SHANK2: variants seen among roughly 807,000 people sequenced by gnomAD.
The protein encoded by SHANK2 is SH3 and multiple ankyrin repeat domains 2, also known as SH3 and multiple ankyrin repeat domains protein 2.
Under a neutral mutation model 133.7 loss-of-function variants are expected in SHANK2, and 43 were observed. That is an observed-to-expected ratio of 0.32 (90% confidence interval 0.25 to 0.41). SHANK2 has a LOEUF of 0.41. Among genes scored for constraint, SHANK2 ranks in the 10% least tolerant of loss-of-function variants. The pLI is 1.00. For missense variants in SHANK2, 1,994 were observed against 2,235.8 expected (o/e 0.89, Z 2.18); for synonymous variants, 1,017 against 952.8 (o/e 1.07, Z -1.24).
intron 17 of SHANK2, among the ~76,000 whole-genome samples, chr11:70,550,994 G>C (rs782568408): frequency 5.3e-5 from 8 of 152,228 alleles, no homozygotes; most frequent in Non-Finnish European, 1.0e-4. Context: ...AAGGTCCAGG[G>C]ACACTGAGAA....
At chr11:71,223,269 C>T (rs782718911) in intron 2 of SHANK2, among the ~76,000 whole-genome samples, 1 of 152,198 alleles carries the variant, frequency 6.6e-6, no homozygotes, top group Non-Finnish European at 1.5e-5. Context: ...CTGCCTGCCG[C>T]GTTTAGGACC....
At chr11:71,176,814 A>G (rs1953456751) in intron 2 of SHANK2, among the ~76,000 whole-genome samples, 1 of 152,192 alleles carries the variant, frequency 6.6e-6, no homozygotes, top group African/African-American at 2.4e-5. Context: ...ATTTTTGGCC[A>G]AAAGTTATTC....
chr11:70,641,300 A>C (rs1472477427), intron 17 of SHANK2, among the ~76,000 whole-genome samples: 1 of 152,216 alleles, frequency 6.6e-6, no homozygotes, highest in East Asian at 1.9e-4. Flanking sequence ...TCACCGTGGT[A>C]GCCAGGATGG....
chr11:70,780,311 C>T (rs1947453589), intron 14 of SHANK2, among the ~76,000 whole-genome samples: 1 of 152,148 alleles, frequency 6.6e-6, no homozygotes, highest in African/African-American at 2.4e-5. Flanking sequence ...GGGAGAGGCC[C>T]TGGGTCAGAG....
At chr11:71,243,319 G>A (rs1293131802) in intron 1 of SHANK2, among the ~76,000 whole-genome samples, 2 of 152,154 alleles carry the variant, frequency 1.3e-5, no homozygotes, top group African/African-American at 4.8e-5. Flanking sequence ...AACCTGAGCT[G>A]AAATGATCAA....
chr11:70,856,662 G>T (rs1355971193), intron 11 of SHANK2, among the ~76,000 whole-genome samples: 7 of 152,136 alleles, frequency 4.6e-5, no homozygotes, highest in Non-Finnish European at 1.0e-4. Context: ...TTGCCTCTAG[G>T]GGGTGTGAGT....
chr11:70,953,050 C>T (rs1306440061), intron 10 of SHANK2, among the ~76,000 whole-genome samples: 1 of 152,102 alleles, frequency 6.6e-6, no homozygotes, highest in Non-Finnish European at 1.5e-5. Context: ...TTCACGCAGC[C>T]TCCTTCCCTG....
chr11:70,852,835 T>G (rs1949108441), intron 11 of SHANK2, among the ~76,000 whole-genome samples: 1 of 152,188 alleles, frequency 6.6e-6, no homozygotes, highest in African/African-American at 2.4e-5. Flanking sequence ...AAAGCAAGAC[T>G]CTGTCTCAAT....
At chr11:70,553,969 G>A (rs2059799878) in intron 17 of SHANK2, among the ~76,000 whole-genome samples, 2 of 152,232 alleles carry the variant, frequency 1.3e-5, no homozygotes, top group African/African-American at 4.8e-5. Flanking sequence ...CAGGAAGTCA[G>A]CAGCAATCTG....
chr11:70,870,408 T>C (rs1386519521), intron 11 of SHANK2, among the ~76,000 whole-genome samples: 1 of 151,638 alleles, frequency 6.6e-6, no homozygotes, highest in Non-Finnish European at 1.5e-5. Context: ...TCTAGGAAGG[T>C]TTTTGGGTTT....
rs1554974036 is a variant in SHANK2 at position 70,535,542 on chromosome 11, A to G, written c.2062-32611T>C. On this transcript the variant is annotated intron_variant, in intron 17 of 25. Transcript: ENST00000601538. This position sits in a 1 kb window ranked among gnomAD's most constrained non-coding sequence, Gnocchi z 4.3. ...TCCATTCACCATCATCCATCAGTCT[A>G]TTCATCTGTCTGTTCGTCCATCTCC... is the stretch of plus-strand genomic sequence containing the variant. Among the ~76,000 whole-genome samples the G allele has an allele frequency of 6.6e-6, 1 of 152,118 alleles. No homozygotes were observed. The highest frequency in any genetic ancestry group is 2.4e-5 in the African/African-American group (1 of 41,424).
At chr11:71,148,896 C>A (rs11828210) in intron 2 of SHANK2, among the ~76,000 whole-genome samples, 1 of 152,042 alleles carries the variant, frequency 6.6e-6, no homozygotes, top group African/African-American at 2.4e-5. Flanking sequence ...TTTCACCGTG[C>A]GTAACGGCAC....
chr11:70,875,608 C>G (rs782089055), intron 11 of SHANK2, among the ~76,000 whole-genome samples: 4 of 152,090 alleles, frequency 2.6e-5, no homozygotes, highest in Non-Finnish European at 5.9e-5. Context: ...CGCCTGCAAT[C>G]CCAACACTTT....
At chr11:71,192,060 C>T (rs1050592168) in intron 2 of SHANK2, among the ~76,000 whole-genome samples, 10 of 151,988 alleles carry the variant, frequency 6.6e-5, no homozygotes, top group African/African-American at 2.2e-4. Flanking sequence ...GGGGTTTCAC[C>T]GTGTCGACCA....
intron 10 of SHANK2, among the ~76,000 whole-genome samples, chr11:70,938,052 G>T (rs545589763): frequency 6.6e-6 from 1 of 152,228 alleles, no homozygotes; most frequent in Admixed American, 6.5e-5. Flanking sequence ...TCCAGCTTCT[G>T]CCTCCCTAGG....
At chr11:70,705,083 A>G (rs1230477233) in intron 14 of SHANK2, 1 of 152,228 alleles carries the variant, frequency 6.6e-6, no homozygotes. Context: ...CTGTTGATGT[A>G]TGATGGGCAT....
intron 10 of SHANK2, among the ~76,000 whole-genome samples, chr11:70,945,956 T>C (rs577845240): frequency 2.5e-4 from 38 of 151,426 alleles, no homozygotes; most frequent in Non-Finnish European, 4.9e-4. Context: ...CCCTCTCCAC[T>C]AACCAACCCT....
At chr11:70,819,847 AG>A (rs1555055353) in intron 12 of SHANK2, among the ~76,000 whole-genome samples, 2 of 152,170 alleles carry the variant, frequency 1.3e-5, no homozygotes, top group African/African-American at 4.8e-5. Context: ...GCCAGACGCC[AG>A]AGCCCTGAGC....
intron 13 of SHANK2, among the ~76,000 whole-genome samples, chr11:70,806,616 G>A (rs1555051913): frequency 6.6e-6 from 1 of 152,140 alleles, no homozygotes; most frequent in African/African-American, 2.4e-5. Context: ...CCGGGCCTCA[G>A]GTCACACCGG....
Sources: allele counts gnomAD v4.1 joint callset (sites outside exome capture counted in the v4.1 genomes callset), GRCh38; gene constraint gnomAD v4.1.1; non-coding constraint Gnocchi (gnomAD v3.1); transcripts MANE v1.5; gene names NCBI Gene and HGNC (gene_info 2026-07-23, HGNC 2026-07-21).